Variants in BDH1 observed in about 807,000 individuals in gnomAD.
The protein encoded by BDH1 is 3-hydroxybutyrate dehydrogenase 1.
A neutral mutation model predicts 33.1 loss-of-function variants in BDH1; 30 were observed. The observed-to-expected ratio is 0.91, with a 90% CI of 0.68 to 1.23. The LOEUF is 1.23. BDH1 is among the 50% of genes most tolerant of loss of function. The pLI is 0.00. For synonymous variants in BDH1, 190 were observed against 183.6 expected (o/e 1.03, Z -0.28); for missense variants, 443 against 464.4 (o/e 0.95, Z 0.42).
chr3:197,529,770 A>G (rs1714470364), intron 5 of BDH1: 1 of 152,232 alleles, frequency 6.6e-6, no homozygotes, highest in Non-Finnish European at 1.5e-5. Context: ...ACTTGTTTAT[A>G]TTATTGAAAT....
chr3:197,542,521 C>CTTTTTTTTTTTTTTTTTTTT (rs71164295), intron 3 of BDH1, among the ~76,000 whole-genome samples: 2 of 106,448 alleles, frequency 1.9e-5, no homozygotes, highest in Admixed American at 1.0e-4. Flanking sequence ...TTCTTGCTTG[C>CTTTTTTTTTTTTTTTTTTTT]TTTTTTTTTT....
intron 2 of BDH1, among the ~76,000 whole-genome samples, chr3:197,546,824 G>A (rs530546170): frequency 2.0e-5 from 3 of 152,180 alleles, no homozygotes; most frequent in Non-Finnish European, 2.9e-5. Context: ...TGGGAGACTC[G>A]GGGACCTAAC....
rs1712579756 is a variant in BDH1, at chr3:197,515,320, C to T, written c.410-904G>A. On this transcript the variant is annotated intron_variant, in intron 6 of 7. Transcript: ENST00000392379. ...TGAAGAGCTCACTCCCACTCTCCAC[C>T]AAAGCCTTGCGGGTGTCTCCCTGCT... 4.1e-6 allele frequency: 4 copies of T among 985,460 alleles called. No homozygotes were observed. In the African/African-American group the frequency reaches 5.2e-5, roughly 13 times the overall value. The allele number at this position is 985,460 out of a possible 1,614,324, so 61.0% of individuals were successfully genotyped here. A position where few individuals can be genotyped will look rare whatever the true frequency, so the allele number is the denominator to read the frequency against.
At chr3:197,568,203 G>A (rs1055962266) in intron 1 of BDH1, among the ~76,000 whole-genome samples, 10 of 152,120 alleles carry the variant, frequency 6.6e-5, no homozygotes, top group African/African-American at 2.2e-4. Flanking sequence ...TCTGCTGGGC[G>A]ATAGGGAATA....
intron 5 of BDH1, among the ~76,000 whole-genome samples, chr3:197,531,483 C>T (rs1714659301): frequency 1.3e-5 from 2 of 148,536 alleles, no homozygotes; most frequent in African/African-American, 2.5e-5. Flanking sequence ...AGCATAGGCA[C>T]ACAACAGAAT....
chr3:197,548,649 G>A (rs1716290842), intron 2 of BDH1, among the ~76,000 whole-genome samples: 1 of 151,852 alleles, frequency 6.6e-6, no homozygotes, highest in East Asian at 1.9e-4. Context: ...TCATGAGTTC[G>A]AGACCAGCCT....
In BDH1 at chr3:197,570,979, G is replaced by C. The variant is rs755132668; in HGVS notation, c.-44+2202C>G. The stretch of plus-strand genomic sequence containing the variant: ...CCAGCCCATGATAGCAGCCAGGAGG[G>C]AGGGTGTACCCTGCAAAGCCACAGG... On this transcript the variant is annotated intron_variant, in intron 1 of 6. Coordinates refer to the BDH1 transcript ENST00000358186. Among the ~76,000 whole-genome samples, 57 of 152,222 alleles carry C rather than the reference G, an allele frequency of 3.7e-4. 1 individual carries two copies. The highest frequency in any genetic ancestry group is 6.6e-4 in the Non-Finnish European group (45 of 68,028).
intron 5 of BDH1, chr3:197,529,420 G>C (rs1714441637): frequency 6.6e-6 from 1 of 152,186 alleles, no homozygotes; most frequent in Non-Finnish European, 1.5e-5. Flanking sequence ...TGGATTTTCA[G>C]ATCAGAGATG....
chr3:197,530,438 T>C (rs918234679), intron 5 of BDH1: 5 of 152,086 alleles, frequency 3.3e-5, no homozygotes, highest in Non-Finnish European at 7.3e-5. Context: ...TAGCCAGATG[T>C]GGTGGTAGGC....
At chr3:197,563,416 A>C (rs1717330085) in intron 1 of BDH1, among the ~76,000 whole-genome samples, 1 of 152,250 alleles carries the variant, frequency 6.6e-6, no homozygotes, top group Non-Finnish European at 1.5e-5. Context: ...AGAGAAAAGA[A>C]GAATGAACAA....
intron 1 of BDH1, among the ~76,000 whole-genome samples, chr3:197,563,841 C>G (rs1412627806): frequency 6.6e-6 from 1 of 152,066 alleles, no homozygotes; most frequent in Non-Finnish European, 1.5e-5. Context: ...GTGGCTCACA[C>G]TTGTAATCCC....
intron 3 of BDH1, among the ~76,000 whole-genome samples, chr3:197,540,883 C>A (rs1715557349): frequency 1.3e-5 from 2 of 152,184 alleles, no homozygotes; most frequent in Admixed American, 1.3e-4. Context: ...AAGGTTCTAT[C>A]TCGACTCACC....
intron 3 of BDH1, among the ~76,000 whole-genome samples, chr3:197,537,185 C>T (rs548692139): frequency 1.6e-4 from 25 of 152,208 alleles, no homozygotes; most frequent in Admixed American, 3.9e-4. Flanking sequence ...GACAGGGTCT[C>T]ACCATGTTGC....
In BDH1 at chr3:197,512,100, T is replaced by G; in HGVS notation, c.827A>C (p.Tyr276Ser). ...CATCTTGGCGATCTTTTCATCAAAGTACTTCTTGCCGTAGTCCTTGCGCAC... is the reference window on the plus strand; with the variant it reads ...CATCTTGGCGATCTTTTCATCAAAGGACTTCTTGCCGTAGTCCTTGCGCAC... ...EVVRKDYGKK[Y>S]FDEKIAKMET... Residue 276 changes from tyrosine to serine, a missense_variant, in exon 8 of 8, where the codon TAC (tyrosine) becomes TCC (serine). Coordinates refer to ENST00000392379, the MANE Select transcript of BDH1 (RefSeq NM_203314.3). 1 of 1,614,210 alleles carries G rather than the reference T, an allele frequency of 6.2e-7. No individual in the cohort carries two copies. Among genetic ancestry groups the G allele is most frequent in the Non-Finnish European group, 8.5e-7 (1 of 1,180,036 alleles).
At position 197,509,934 on chromosome 3, in the gene BDH1, C is replaced by T. The variant is rs2108687687; in HGVS notation, c.*1961G>A. The stretch of plus-strand genomic sequence containing the variant: ...TGCAGCGGCCACCAAGCGTCCCCCT[C>T]TGGGCTCTGGAGGGTTTCGGCCCTG... On this transcript the variant is annotated 3_prime_UTR_variant, in exon 8 of 8. Coordinates refer to ENST00000392379, the MANE Select transcript of BDH1 (RefSeq NM_203314.3). The T allele has an allele frequency of 6.6e-6, 1 of 151,874 alleles. No individual in the cohort carries two copies. The highest frequency in any genetic ancestry group is 2.4e-5 in the African/African-American group (1 of 41,480). 9.4% of individuals were successfully genotyped at this position (151,874 alleles called of 1,614,324 possible). A position where few individuals can be genotyped will look rare whatever the true frequency, so the allele number is the denominator to read the frequency against.
At chr3:197,569,946 CAGA>C (rs748798010) in intron 1 of BDH1, among the ~76,000 whole-genome samples, 35 of 147,186 alleles carry the variant, frequency 2.4e-4, no homozygotes, top group Non-Finnish European at 3.7e-4. Context: ...TTGGAGGGCT[CAGA>C]AGAAGACAGG....
At chr3:197,564,885 G>A (rs958012882) in intron 1 of BDH1, among the ~76,000 whole-genome samples, 1 of 152,132 alleles carries the variant, frequency 6.6e-6, no homozygotes, top group Non-Finnish European at 1.5e-5. Flanking sequence ...AAATTTTAGA[G>A]AACAAATTTA....
Position 197,521,580 on chromosome 3 carries a change from C to T in BDH1, c.409+1060G>A, listed in dbSNP as rs1303336358. Among the ~76,000 whole-genome samples, 1 of 152,088 alleles carries T rather than the reference C, an allele frequency of 6.6e-6. No homozygotes were observed. Among genetic ancestry groups the T allele is most frequent in the East Asian group, 1.9e-4 (1 of 5,176 alleles). ...CTCCCCGACTCCCAGTGTCACCTGC[C>T]GTGGGCACCTGCTCTTCTAGCCTGG... On this transcript the variant is annotated intron_variant, in intron 6 of 7. Coordinates refer to ENST00000392379, the MANE Select transcript of BDH1 (RefSeq NM_203314.3). This position sits in a 1 kb window ranked among gnomAD's most constrained non-coding sequence, Gnocchi z 4.9.
intron 5 of BDH1, among the ~76,000 whole-genome samples, chr3:197,527,511 T>C (rs1714210542): frequency 6.6e-6 from 1 of 152,170 alleles, no homozygotes; most frequent in South Asian, 2.1e-4. Flanking sequence ...ATATGCCACC[T>C]GCCCCCATTT....
Sources: allele counts gnomAD v4.1 joint callset (sites outside exome capture counted in the v4.1 genomes callset), GRCh38; gene constraint gnomAD v4.1.1; non-coding constraint Gnocchi (gnomAD v3.1); transcripts MANE v1.5; gene names NCBI Gene and HGNC (gene_info 2026-07-23, HGNC 2026-07-21).